Variants in AQR observed in about 807,000 individuals in gnomAD.
AQR encodes aquarius intron-binding spliceosomal factor.
AQR carries 61 observed loss-of-function variants against 180.5 expected under a neutral mutation model. The ratio of observed to expected loss-of-function variants is 0.34; its 90% CI spans 0.28 to 0.42. The LOEUF (loss-of-function observed/expected upper bound fraction) is 0.42. Among genes scored for constraint, AQR ranks in the 10% least tolerant of loss-of-function variants. The pLI is 1.00. For synonymous variants in AQR, 551 were observed against 588.8 expected, an observed-to-expected ratio of 0.94 and a Z score of 0.93; for missense variants, 1,281 against 1,798.3, an observed-to-expected ratio of 0.71 and a Z score of 5.20.
At chr15:34,940,789 T>C (rs935478961) in intron 8 of AQR, 110 bp downstream of exon 8, 4 of 790,136 alleles carry the variant, frequency 5.1e-6, no homozygotes, top group Non-Finnish European at 8.4e-6. Context: ...ATTATAATAA[T>C]TTATTTGCAC....
chr15:34,896,826 G>T, intron 22 of AQR, 71 bp downstream of exon 22: 2 of 1,386,576 alleles, frequency 1.4e-6, no homozygotes, highest in Non-Finnish European at 1.0e-6. Flanking sequence ...TCCGGCATGG[G>T]CAACAAAAGT....
intron 24 of AQR, among the ~76,000 whole-genome samples, chr15:34,887,626 A>T (rs1321615091): frequency 1.3e-5 from 2 of 152,208 alleles, no homozygotes; most frequent in Non-Finnish European, 2.9e-5. Context: ...TTCTTTTCAC[A>T]ACACCACAAC....
Position 34,969,524 on chromosome 15 carries a change from C to T in AQR, c.75+15G>A, listed in dbSNP as rs767115207. 1.2e-6 allele frequency: 2 copies of T among 1,613,254 alleles called. No homozygotes were observed. Among genetic ancestry groups the T allele is most frequent in the African/African-American group, 1.3e-5 (1 of 74,914 alleles). ...TCCATACCCACTCACACACACCAGACTCGCCCGAGCTCACCTGGGTCACGA... is the reference window on the plus strand; with the variant it reads ...TCCATACCCACTCACACACACCAGATTCGCCCGAGCTCACCTGGGTCACGA... On this transcript the variant is annotated intron_variant, in intron 1 of 34. Coordinates refer to ENST00000156471, the MANE Select transcript of AQR (RefSeq NM_014691.3).
chr15:34,948,918 A>T (rs183705706), intron 4 of AQR, among the ~76,000 whole-genome samples: 97 of 152,248 alleles, frequency 6.4e-4, no homozygotes, highest in Non-Finnish European at 1.1e-3. Context: ...TATAAATTCA[A>T]ATAAAAAGGT....
At chr15:34,870,218 T>A (rs1250485149) in intron 31 of AQR, 1 of 152,186 alleles carries the variant, frequency 6.6e-6, no homozygotes, top group Non-Finnish European at 1.5e-5. Flanking sequence ...GCCATGTTCA[T>A]AGCCAAAGTC....
intron 9 of AQR, among the ~76,000 whole-genome samples, chr15:34,938,043 C>CT (rs997315447): frequency 4.0e-5 from 6 of 151,556 alleles, no homozygotes; most frequent in African/African-American, 1.5e-4. Context: ...AATATTTCTC[C>CT]TTTTTTCCTC....
intron 11 of AQR, among the ~76,000 whole-genome samples, chr15:34,931,840 G>T (rs182217298): frequency 3.9e-5 from 6 of 152,220 alleles, no homozygotes; most frequent in East Asian, 3.9e-4. Flanking sequence ...AAAACCAAAA[G>T]AAATGCTTTC....
intron 13 of AQR, among the ~76,000 whole-genome samples, chr15:34,926,191 T>TA (rs1893761501): frequency 6.6e-6 from 1 of 151,832 alleles, no homozygotes; most frequent in Admixed American, 6.6e-5. Flanking sequence ...AATAAAAAAA[T>TA]AAAAAAATAG....
At chr15:34,900,152 G>A (rs1893309109) in intron 20 of AQR, among the ~76,000 whole-genome samples, 1 of 152,080 alleles carries the variant, frequency 6.6e-6, no homozygotes, top group African/African-American at 2.4e-5. Flanking sequence ...CTTAGCCTCT[G>A]AAGTCACTGG....
rs138142544 is a variant in AQR, at chr15:34,906,328, G to T, written c.1831+217C>A. Among the ~76,000 whole-genome samples the T allele has an allele frequency of 7.1e-3, 1,082 of 152,218 alleles. 5 individuals are homozygous for T. Among genetic ancestry groups the T allele is most frequent in the Non-Finnish European group, 0.011 (778 of 68,014 alleles). Reference sequence around the variant, plus strand: ...AGAGGTTGCAGTGAGCCGAGATTGTGCCACTGAACTCCAGCCTGTGTGACA... The same window carrying T: ...AGAGGTTGCAGTGAGCCGAGATTGTTCCACTGAACTCCAGCCTGTGTGACA... On this transcript the variant is annotated intron_variant, in intron 18 of 34. Coordinates refer to ENST00000156471, the MANE Select transcript of AQR (RefSeq NM_014691.3).
chr15:34,905,383 GAAGA>G (rs1025857189), intron 18 of AQR, among the ~76,000 whole-genome samples: 11 of 152,040 alleles, frequency 7.2e-5, no homozygotes, highest in Non-Finnish European at 1.2e-4. Context: ...CAGGACAACA[GAAGA>G]AAGAATTTCA....
intron 10 of AQR, among the ~76,000 whole-genome samples, 169 bp downstream of exon 10, chr15:34,934,402 T>C (rs1893914832): frequency 6.7e-6 from 1 of 148,718 alleles, no homozygotes; most frequent in African/African-American, 2.4e-5. Flanking sequence ...AGAAAGGAAA[T>C]ATATACCTTT....
At chr15:34,934,740 C>G (rs1393112571) in intron 9 of AQR, 105 bp from the exon 10 acceptor site, 1 of 635,974 alleles carries the variant, frequency 1.6e-6, no homozygotes, top group African/African-American at 1.9e-5. Context: ...AGTCAATTGT[C>G]TTTTATTCAT....
chr15:34,914,745 C>T lies in AQR; in HGVS notation c.1484+293G>A, dbSNP rs571416976. On this transcript the variant is annotated intron_variant, in intron 16 of 34. Transcript: ENST00000156471. ...CTTCCAATCGGCCTTTAAGTAAGGT[C>T]TGACCTACTCCCTCTACATTTCCCC... is the stretch of plus-strand genomic sequence containing the variant. 4.6e-5 allele frequency among the ~76,000 whole-genome samples: 7 copies of T among 152,298 alleles called. No homozygotes were observed. In the South Asian group the frequency reaches 1.2e-3, roughly 27 times the overall value.
chr15:34,939,662 C>G (rs1420738741), intron 8 of AQR, among the ~76,000 whole-genome samples: 4 of 152,154 alleles, frequency 2.6e-5, no homozygotes, highest in Non-Finnish European at 5.9e-5. Flanking sequence ...AACAGTCCTG[C>G]TGGAAATACA....
In AQR at chr15:34,902,300, T is replaced by C. The variant is rs375805054; in HGVS notation, c.2002-1437A>G. On this transcript the variant is annotated intron_variant, in intron 19 of 34. Coordinates refer to ENST00000156471, the MANE Select transcript of AQR (RefSeq NM_014691.3). ...GACAAAGAGGAGGCTACTATAACTG[T>C]CTAGGCAAAAAATAAAGTATCCAGA... 2.0e-4 allele frequency among the ~76,000 whole-genome samples: 30 copies of C among 152,074 alleles called. 2 individuals carry two copies. The South Asian group carries it at 6.0e-3, about 31-fold the overall frequency.
chr15:34,965,163 C>T (rs1039470813), intron 1 of AQR, among the ~76,000 whole-genome samples: 3 of 152,162 alleles, frequency 2.0e-5, no homozygotes, highest in African/African-American at 7.2e-5. Flanking sequence ...GTATATAACT[C>T]TTTATAATCT....
intron 16 of AQR, among the ~76,000 whole-genome samples, chr15:34,912,660 C>T (rs901446990): frequency 2.0e-5 from 3 of 151,226 alleles, no homozygotes; most frequent in Admixed American, 6.6e-5. Flanking sequence ...AAAAAACAAG[C>T]TAGTTGTAAT....
chr15:34,963,661 C>CTTTTTTTTTCTTTTTTTTT lies in AQR; in HGVS notation c.132+572_132+573insAAAAAAAAAGAAAAAAAAA, dbSNP rs1566793151. Among the ~76,000 whole-genome samples the CTTTTTTTTTCTTTTTTTTT allele has an allele frequency of 1.6e-4, 24 of 148,672 alleles. 1 individual carries two copies. Among genetic ancestry groups the CTTTTTTTTTCTTTTTTTTT allele is most frequent in the African/African-American group, 5.6e-4 (22 of 39,618 alleles). On this transcript the variant is annotated intron_variant, in intron 2 of 34. Transcript: ENST00000156471. ...CAGTTAAGTAAATTATACACGTACA[C>CTTTTTTTTTCTTTTTTTTT]TTTTTTTTTTTCTTTTTTTTGAGAT...
Sources: allele counts gnomAD v4.1 joint callset (sites outside exome capture counted in the v4.1 genomes callset), GRCh38; gene constraint gnomAD v4.1.1; transcripts MANE v1.5; gene names NCBI Gene and HGNC (gene_info 2026-07-23, HGNC 2026-07-21).